HLF: variants seen among roughly 807,000 people sequenced by gnomAD.
HLF encodes the protein hepatic leukemia factor.
A neutral mutation model predicts 22.6 loss-of-function variants in HLF; 3 were observed. That is an observed-to-expected ratio of 0.13 (90% CI 0.06 to 0.34). The LOEUF (loss-of-function observed/expected upper bound fraction) is 0.34. HLF is among the 10% of genes least tolerant of loss of function. HLF has a pLI of 1.00. For synonymous variants in HLF, 151 were observed against 151.8 expected (o/e 0.99, Z 0.04); for missense variants, 299 against 389.2 (o/e 0.77, Z 1.95).
chr17:55,270,608 C>A (rs1012907230), intron 2 of HLF, among the ~76,000 whole-genome samples: 6 of 149,440 alleles, frequency 4.0e-5, no homozygotes, highest in African/African-American at 7.4e-5. Flanking sequence ...TAATTTCAGT[C>A]TTGATTGGTG....
At chr17:55,265,796 A>T in intron 1 of HLF, 197 bp downstream of exon 1, 1 of 1,333,042 alleles carries the variant, frequency 7.5e-7, no homozygotes, top group Non-Finnish European at 9.6e-7. Context: ...AAGGGGAGGG[A>T]CCCCTCCTGA....
intron 2 of HLF, among the ~76,000 whole-genome samples, chr17:55,286,932 G>T (rs993836444): frequency 1.3e-5 from 2 of 152,180 alleles, no homozygotes; most frequent in African/African-American, 4.8e-5. Flanking sequence ...ACAGCCTCCT[G>T]CCAGTCTGTG....
chr17:55,267,636 G>T, intron 1 of HLF, 115 bp from the exon 2 acceptor site: 1 of 688,998 alleles, frequency 1.5e-6, no homozygotes, highest in East Asian at 2.9e-5. Flanking sequence ...GCCAGAGAAG[G>T]ACCCTGCCAT....
At position 55,320,831 on chromosome 17, in the gene HLF, A is replaced by G; in HGVS notation, c.840A>G (p.Lys280=). Residue 280 remains lysine, a synonymous_variant, in exon 4 of 4, where the codon AAA becomes AAG. Coordinates refer to ENST00000226067, the MANE Select transcript of HLF (RefSeq NM_002126.5). This position sits in a 1 kb window ranked among gnomAD's most constrained non-coding sequence, Gnocchi z 4.2. ...CTGACTTGAGGAAGGAGCTGGGCAA[A>G]TGCAAGAACATACTTGCCAAGTATG... ...EVADLRKELG[K]CKNILAKYEA... is the part of the protein sequence containing the mutation. 1 of 1,613,776 alleles carries G rather than the reference A, an allele frequency of 6.2e-7. No individual in the cohort carries two copies. The highest frequency in any genetic ancestry group is 2.2e-5 in the East Asian group (1 of 44,848).
Position 55,321,016 on chromosome 17 carries a change from C to A in HLF, c.*137C>A. 1 of 678,092 alleles carries A rather than the reference C, an allele frequency of 1.5e-6. No individual in the cohort carries two copies. Among genetic ancestry groups the A allele is most frequent in the African/African-American group, 1.8e-5 (1 of 55,570 alleles). 42.0% of individuals were successfully genotyped at this position (678,092 alleles called of 1,614,324 possible). On this transcript the variant is annotated 3_prime_UTR_variant, in exon 4 of 4. Transcript: ENST00000226067. ...CACAACTGACTCCCATTTTGGTGTG[C>A]ATCTGTGTGTGTGTGCGTGTATATG...
In HLF at chr17:55,321,266, C is replaced by G. The variant is rs1359387644; in HGVS notation, c.*387C>G. On this transcript the variant is annotated 3_prime_UTR_variant, in exon 4 of 4. Transcript: ENST00000226067. ...AGCTTACCTACTCTTCCAGGACTCT[C>G]TGCTTGGATTCACTAAAAAGGGCCC... 1 of 260,402 alleles carries G rather than the reference C, an allele frequency of 3.8e-6. No individual in the cohort carries two copies. The highest frequency in any genetic ancestry group is 5.5e-5 in the East Asian group (1 of 18,130). The allele number at this position is 260,402 out of a possible 1,614,324, so 16.1% of individuals were successfully genotyped here. A position where few individuals can be genotyped will look rare whatever the true frequency, so the allele number is the denominator to read the frequency against.
At position 55,324,810 on chromosome 17, in the gene HLF, C is replaced by CGTGCATGTGTGTGTGTGT. The variant is rs1567830173; in HGVS notation, c.*3934_*3951dup. On this transcript the variant is annotated 3_prime_UTR_variant, in exon 4 of 4. Transcript: ENST00000226067. ...GTAAGAGTGTGTGTGTGTGTGTGTGCGTGCATGTGTGTGTGTGTGTATGTG... is the reference window on the plus strand; with the variant it reads ...GTAAGAGTGTGTGTGTGTGTGTGTGCGTGCATGTGTGTGTGTGTGTGCATGTGTGTGTGTGTGTATGTG... 4.8e-6 allele frequency: 1 copy of CGTGCATGTGTGTGTGTGT among 206,382 alleles called. No individual in the cohort carries two copies. The highest frequency in any genetic ancestry group is 9.6e-6 in the Non-Finnish European group (1 of 104,624). 12.8% of individuals were successfully genotyped at this position (206,382 alleles called of 1,614,324 possible). A position where few individuals can be genotyped will look rare whatever the true frequency, so the allele number is the denominator to read the frequency against.
At chr17:55,307,299 G>A (rs1017662378) in intron 2 of HLF, among the ~76,000 whole-genome samples, 7 of 150,940 alleles carry the variant, frequency 4.6e-5, no homozygotes, top group Non-Finnish European at 7.4e-5. Flanking sequence ...AATTACAAGC[G>A]TGCGCCACCA....
intron 2 of HLF, among the ~76,000 whole-genome samples, chr17:55,304,916 G>A (rs1301051840): frequency 2.6e-5 from 4 of 152,216 alleles, no homozygotes; most frequent in African/African-American, 7.2e-5. Context: ...AATCCTGTTT[G>A]TCTACACCTT....
At chr17:55,291,819 C>T (rs906227739) in intron 2 of HLF, among the ~76,000 whole-genome samples, 6 of 152,166 alleles carry the variant, frequency 3.9e-5, no homozygotes, top group Non-Finnish European at 5.9e-5. Flanking sequence ...ATTCATGATT[C>T]ATGGGAAGGG....
At chr17:55,307,843 A>C (rs1264737566) in intron 2 of HLF, among the ~76,000 whole-genome samples, 11 of 151,996 alleles carry the variant, frequency 7.2e-5, no homozygotes, top group Non-Finnish European at 1.3e-4. Flanking sequence ...AAAAAAAAAA[A>C]AAACATCAAA....
Position 55,323,616 on chromosome 17 carries a change from T to A in HLF, c.*2737T>A, listed in dbSNP as rs1905341097. 2 of 227,504 alleles carry A rather than the reference T, an allele frequency of 8.8e-6. No homozygotes were observed. Among genetic ancestry groups the A allele is most frequent in the East Asian group, 1.3e-4 (2 of 15,872 alleles). The allele number at this position is 227,504 out of a possible 1,614,324, so 14.1% of individuals were successfully genotyped here. A position where few individuals can be genotyped will look rare whatever the true frequency, so the allele number is the denominator to read the frequency against. Reference sequence around the variant, plus strand: ...CACTTTGGAGTCTGTACAGGTGCCTTATATGTAGGTCATTGTCACGATACA... The same window carrying A: ...CACTTTGGAGTCTGTACAGGTGCCTAATATGTAGGTCATTGTCACGATACA... On this transcript the variant is annotated 3_prime_UTR_variant, in exon 4 of 4. Coordinates refer to ENST00000226067, the MANE Select transcript of HLF (RefSeq NM_002126.5).
intron 2 of HLF, among the ~76,000 whole-genome samples, chr17:55,301,902 C>T (rs530618998): frequency 6.6e-6 from 1 of 152,216 alleles, no homozygotes; most frequent in African/African-American, 2.4e-5. Context: ...AGGAAAGCCT[C>T]CACTGCACTC....
At chr17:55,292,206 C>G (rs2081069896) in intron 2 of HLF, among the ~76,000 whole-genome samples, 1 of 152,206 alleles carries the variant, frequency 6.6e-6, no homozygotes, top group Admixed American at 6.5e-5. Flanking sequence ...GAAAGAGGTT[C>G]TACTGTGAGT....
intron 2 of HLF, among the ~76,000 whole-genome samples, chr17:55,282,712 C>T (rs1018304127): frequency 8.5e-5 from 13 of 152,180 alleles, no homozygotes; most frequent in Non-Finnish European, 1.5e-4. Flanking sequence ...AGCTCTACGA[C>T]TCTGTGTTCA....
chr17:55,281,365 T>C (rs1328385755), intron 2 of HLF, among the ~76,000 whole-genome samples: 1 of 152,012 alleles, frequency 6.6e-6, no homozygotes, highest in Non-Finnish European at 1.5e-5. Context: ...AATACAAAAT[T>C]AGCCAGGCGT....
At chr17:55,277,558 G>A (rs1042145665) in intron 2 of HLF, among the ~76,000 whole-genome samples, 3 of 151,452 alleles carry the variant, frequency 2.0e-5, no homozygotes, top group African/African-American at 7.3e-5. Flanking sequence ...GATATGGGAT[G>A]TGTGTGTGTG....
intron 2 of HLF, among the ~76,000 whole-genome samples, chr17:55,286,741 G>C (rs1420869824): frequency 1.3e-5 from 2 of 152,146 alleles, no homozygotes; most frequent in East Asian, 3.9e-4. Flanking sequence ...GCCTTATTCA[G>C]AGTCTTATAT....
At chr17:55,313,007 G>A (rs1234536926) in intron 2 of HLF, among the ~76,000 whole-genome samples, 1 of 152,146 alleles carries the variant, frequency 6.6e-6, no homozygotes. Context: ...AACGGGACCT[G>A]GTTTTGTTTC....
Sources: gnomAD v4.1 joint callset for allele counts (sites outside exome capture counted in the v4.1 genomes callset) on GRCh38, gnomAD v4.1.1 for gene constraint, Gnocchi (gnomAD v3.1) non-coding constraint, MANE v1.5 for transcripts, NCBI Gene and HGNC (gene_info 2026-07-23, HGNC 2026-07-21) for gene names.